The following FYN variants were observed in gnomAD, a reference collection of about 807,000 sequenced individuals.
FYN encodes FYN proto-oncogene, Src family tyrosine kinase.
FYN carries 10 observed loss-of-function variants against 70.2 expected under a neutral mutation model. The ratio of observed to expected loss-of-function variants is 0.14; its 90% confidence interval spans 0.09 to 0.24. The LOEUF (loss-of-function observed/expected upper bound fraction) is 0.24, where lower values mean the gene tolerates loss of function less well. FYN is among the 10% of genes least tolerant of loss of function. The pLI, the probability that FYN is intolerant of heterozygous loss-of-function variation, is 1.00. For synonymous variants in FYN, 236 were observed against 248.6 expected (o/e 0.95, Z 0.48); for missense variants, 319 against 673.1 (o/e 0.47, Z 5.82).
intron 9 of FYN, chr6:111,699,896 T>C: frequency 1.5e-6 from 1 of 645,520 alleles, no homozygotes. Context: ...CATTTGCCAA[T>C]TTTGCCCACT....
chr6:111,675,699 G>A (rs1356142309), intron 12 of FYN, among the ~76,000 whole-genome samples: 1 of 151,738 alleles, frequency 6.6e-6, no homozygotes, highest in Non-Finnish European at 1.5e-5. Context: ...AGGCTGAGGC[G>A]GGAGAATCAC....
intron 13 of FYN, among the ~76,000 whole-genome samples, chr6:111,663,785 G>A (rs1406994170): frequency 6.6e-6 from 1 of 152,052 alleles, no homozygotes; most frequent in African/African-American, 2.4e-5. Context: ...GAGAGGCAGC[G>A]CTGTGGCTAA....
At chr6:111,737,257 G>A (rs1462286440) in intron 3 of FYN, among the ~76,000 whole-genome samples, 1 of 152,170 alleles carries the variant, frequency 6.6e-6, no homozygotes, top group Non-Finnish European at 1.5e-5. Flanking sequence ...TCAATTTGGT[G>A]CCAATATCTA....
At chr6:111,757,274 C>T (rs1802780294) in intron 3 of FYN, among the ~76,000 whole-genome samples, 1 of 152,186 alleles carries the variant, frequency 6.6e-6, no homozygotes, top group African/African-American at 2.4e-5. Flanking sequence ...TGCTCTTCAA[C>T]AGGCACCTCA....
At chr6:111,830,875 A>G (rs938894406) in intron 2 of FYN, among the ~76,000 whole-genome samples, 7 of 152,072 alleles carry the variant, frequency 4.6e-5, no homozygotes, top group African/African-American at 1.2e-4. Flanking sequence ...AAAATGTCCT[A>G]TGCAGAGAAG....
At chr6:111,761,187 G>T (rs541593234) in intron 3 of FYN, among the ~76,000 whole-genome samples, 1 of 152,356 alleles carries the variant, frequency 6.6e-6, no homozygotes, top group South Asian at 2.1e-4. Flanking sequence ...TTACAAGCCA[G>T]AGACTAGGCA....
At chr6:111,688,476 T>C (rs751245075) in intron 12 of FYN, among the ~76,000 whole-genome samples, 1 of 152,200 alleles carries the variant, frequency 6.6e-6, no homozygotes, top group Non-Finnish European at 1.5e-5. Context: ...GTTATTTCCA[T>C]TGCTGTAAAC....
chr6:111,666,732 C>T (rs1402288857), intron 13 of FYN, among the ~76,000 whole-genome samples: 2 of 152,108 alleles, frequency 1.3e-5, no homozygotes, highest in African/African-American at 4.8e-5. Context: ...GTTCAGGAGG[C>T]TGAGGTGGAA....
intron 3 of FYN, among the ~76,000 whole-genome samples, chr6:111,756,030 A>G (rs1288740469): frequency 6.6e-6 from 1 of 152,128 alleles, no homozygotes; most frequent in African/African-American, 2.4e-5. Context: ...TTAAAATCAG[A>G]AAACAAAGAT....
chr6:111,854,509 C>G (rs1484505218), intron 1 of FYN, among the ~76,000 whole-genome samples: 1 of 152,164 alleles, frequency 6.6e-6, no homozygotes, highest in East Asian at 1.9e-4. Context: ...ATGCACGGAA[C>G]AGCAGTCAGA....
At position 111,779,121 on chromosome 6, in the gene FYN, ATTTTTTTTTTT is replaced by A. The variant is rs397934539; in HGVS notation, c.-12+1434_-12+1444del. 8.7e-5 allele frequency among the ~76,000 whole-genome samples: 8 copies of A among 91,526 alleles called. No individual in the cohort carries two copies. The East Asian group carries it at 1.0e-3, about 12-fold the overall frequency. The allele number at this position is 91,526 out of a possible 152,430, so 60.0% of individuals were successfully genotyped here. A position where few individuals can be genotyped will look rare whatever the true frequency, so the allele number is the denominator to read the frequency against. On this transcript the variant is annotated intron_variant, in intron 3 of 13. Coordinates refer to ENST00000354650, the MANE Select transcript of FYN (RefSeq NM_002037.5). ...CCCTTGTCAGGGATCAGTAGGAGAC[ATTTTTTTTTTT>A]TTTTTTTTTTTTTTGCTAGCAGGGG...
chr6:111,712,016 C>T (rs1266512517), intron 5 of FYN, among the ~76,000 whole-genome samples: 2 of 152,122 alleles, frequency 1.3e-5, no homozygotes, highest in East Asian at 1.9e-4. Flanking sequence ...CATCAAAGGC[C>T]GTGCATGGAA....
In FYN at chr6:111,679,726, C is replaced by T. The variant is rs185229784; in HGVS notation, c.1274-5096G>A. ...CCAATTGAAATAGAAAAGCAACAGC[C>T]ACACACTAATGAAACTTAAAACACC... is the stretch of plus-strand genomic sequence containing the variant. On this transcript the variant is annotated intron_variant, in intron 12 of 13. Transcript: ENST00000354650. 2.0e-5 allele frequency among the ~76,000 whole-genome samples: 3 copies of T among 152,224 alleles called. No homozygotes were observed. In the East Asian group the frequency reaches 5.8e-4, roughly 29 times the overall value.
chr6:111,691,765 G>A (rs1562473426), intron 12 of FYN, among the ~76,000 whole-genome samples: 2 of 152,220 alleles, frequency 1.3e-5, no homozygotes, highest in Admixed American at 1.3e-4. Context: ...AGGGATGTAT[G>A]ACTAATCCTC....
At chr6:111,745,331 A>G (rs1001406219) in intron 3 of FYN, among the ~76,000 whole-genome samples, 1 of 152,166 alleles carries the variant, frequency 6.6e-6, no homozygotes, top group East Asian at 1.9e-4. Context: ...AAACACATAC[A>G]GTGTTCTTGA....
At chr6:111,767,487 T>G (rs1803272434) in intron 3 of FYN, among the ~76,000 whole-genome samples, 1 of 151,930 alleles carries the variant, frequency 6.6e-6, no homozygotes, top group African/African-American at 2.4e-5. Context: ...CTGCAACCTC[T>G]GCCTCCCGGG....
intron 3 of FYN, among the ~76,000 whole-genome samples, chr6:111,739,318 G>T (rs1208521630): frequency 1.3e-5 from 2 of 152,236 alleles, no homozygotes; most frequent in Non-Finnish European, 2.9e-5. Flanking sequence ...TGGAGGCTCT[G>T]TTGAGAGGAA....
chr6:111,674,419 G>A (rs1583290865), intron 13 of FYN, 80 bp downstream of exon 13: 35 of 1,478,988 alleles, frequency 2.4e-5, no homozygotes, highest in Non-Finnish European at 3.0e-5. Flanking sequence ...GGCTTAGAAA[G>A]CAAAGTGGAT....
In FYN at chr6:111,846,195, CAAT is replaced by C. The variant is rs966308654; in HGVS notation, c.-82+391_-82+393del. Reference sequence around the variant, plus strand: ...CCATCTGAGAGTGGAGGAAAAACAACAATGAATGGACTGAAAACGACCTCCTTG... The same window carrying C: ...CCATCTGAGAGTGGAGGAAAAACAACGAATGGACTGAAAACGACCTCCTTG... On this transcript the variant is annotated intron_variant, in intron 2 of 13. Transcript: ENST00000354650. Among the ~76,000 whole-genome samples, 7 of 152,258 alleles carry C rather than the reference CAAT, an allele frequency of 4.6e-5. No homozygotes were observed. In the South Asian group the frequency reaches 1.0e-3, roughly 23 times the overall value.
Sources: gnomAD v4.1 joint callset for allele counts (sites outside exome capture counted in the v4.1 genomes callset) on GRCh38, gnomAD v4.1.1 for gene constraint, MANE v1.5 for transcripts, NCBI Gene and HGNC (gene_info 2026-07-23, HGNC 2026-07-21) for gene names.